SCFD2: variants seen among roughly 807,000 people sequenced by gnomAD.
The protein encoded by SCFD2 is sec1 family domain-containing protein 2.
Under a neutral mutation model 58.9 loss-of-function variants are expected in SCFD2, and 54 were observed. The ratio of observed to expected loss-of-function variants is 0.92; its 90% CI spans 0.74 to 1.15. The LOEUF (loss-of-function observed/expected upper bound fraction) is 1.15. Among genes scored for constraint, SCFD2 ranks in the 50% most tolerant of loss-of-function variants. The pLI is 0.00. For missense variants in SCFD2, 805 were observed against 836.6 expected, an observed-to-expected ratio of 0.96 and a Z score of 0.47; for synonymous variants, 321 against 335.9, an observed-to-expected ratio of 0.96 and a Z score of 0.49.
Position 53,319,212 on chromosome 4 carries a change from G to A in SCFD2, c.1008-5449C>T, listed in dbSNP as rs149939953. Among the ~76,000 whole-genome samples, 11 of 152,248 alleles carry A rather than the reference G, an allele frequency of 7.2e-5. No homozygotes were observed. In the East Asian group the frequency reaches 1.4e-3, roughly 19 times the overall value. ...AGTAAAGTAGATCCACATTAATTCC[G>A]GAAGCAGGTAAAGCTCTAAGAACTC... is the stretch of plus-strand genomic sequence containing the variant. On this transcript the variant is annotated intron_variant, in intron 2 of 8. Transcript: ENST00000401642.
At chr4:53,245,769 C>A (rs553029098) in intron 4 of SCFD2, among the ~76,000 whole-genome samples, 1 of 152,274 alleles carries the variant, frequency 6.6e-6, no homozygotes, top group South Asian at 2.1e-4. Flanking sequence ...AAGCTGGAAG[C>A]ATTCCCTTTG....
intron 5 of SCFD2, among the ~76,000 whole-genome samples, chr4:53,092,556 A>T (rs1331467947): frequency 6.6e-6 from 1 of 151,040 alleles, no homozygotes; most frequent in Non-Finnish European, 1.5e-5. Flanking sequence ...GTCCAATAAG[A>T]GATAAATGGT....
intron 5 of SCFD2, among the ~76,000 whole-genome samples, chr4:53,110,418 G>A (rs1011675044): frequency 3.3e-5 from 5 of 152,130 alleles, no homozygotes; most frequent in South Asian, 2.1e-4. Flanking sequence ...AAAGAGCACA[G>A]CACAGCAAAA....
intron 4 of SCFD2, among the ~76,000 whole-genome samples, chr4:53,198,459 G>T (rs967690977): frequency 3.3e-5 from 5 of 152,052 alleles, no homozygotes; most frequent in Non-Finnish European, 5.9e-5. Flanking sequence ...TGTAAAAAAA[G>T]AGATCCTAAG....
chr4:53,202,204 A>C (rs1728265414), intron 4 of SCFD2, among the ~76,000 whole-genome samples: 1 of 152,096 alleles, frequency 6.6e-6, no homozygotes, highest in South Asian at 2.1e-4. Flanking sequence ...ATTTTTGTAT[A>C]AGGTGTAAGG....
chr4:53,044,678 C>T (rs1266039308), intron 5 of SCFD2, among the ~76,000 whole-genome samples: 1 of 144,872 alleles, frequency 6.9e-6, no homozygotes, highest in East Asian at 2.3e-4. Flanking sequence ...AAGGGGAATT[C>T]CTCTCTCCAC....
intron 5 of SCFD2, among the ~76,000 whole-genome samples, chr4:53,054,614 A>C (rs879314749): frequency 4.6e-5 from 7 of 152,212 alleles, no homozygotes; most frequent in Non-Finnish European, 8.8e-5. Flanking sequence ...GTAAAGAAAG[A>C]AAATGATTAG....
intron 5 of SCFD2, among the ~76,000 whole-genome samples, chr4:52,933,690 AAAC>A (rs1720057525): frequency 6.6e-6 from 1 of 152,230 alleles, no homozygotes; most frequent in Non-Finnish European, 1.5e-5. Context: ...CATTTCCCAG[AAAC>A]AGCAAGGGAT....
At chr4:53,306,177 A>C (rs186091818) in intron 3 of SCFD2, among the ~76,000 whole-genome samples, 328 of 152,306 alleles carry the variant, frequency 2.2e-3, no homozygotes, top group Non-Finnish European at 4.1e-3. Context: ...ACCATAGGAA[A>C]TGGGGTTTTA....
intron 5 of SCFD2, among the ~76,000 whole-genome samples, chr4:53,029,788 A>AC (rs920386069): frequency 4.6e-5 from 7 of 152,226 alleles, no homozygotes; most frequent in Non-Finnish European, 8.8e-5. Flanking sequence ...CAAAAAATGA[A>AC]CCTCAACTAA....
At chr4:53,220,300 T>C (rs139687181) in intron 4 of SCFD2, among the ~76,000 whole-genome samples, 1 of 152,206 alleles carries the variant, frequency 6.6e-6, no homozygotes, top group Non-Finnish European at 1.5e-5. Flanking sequence ...TATAAGCTCA[T>C]TATCATATAT....
chr4:52,898,704 T>A (rs868677505), intron 7 of SCFD2, among the ~76,000 whole-genome samples: 1 of 152,172 alleles, frequency 6.6e-6, no homozygotes, highest in Non-Finnish European at 1.5e-5. Flanking sequence ...TTCCTGGATA[T>A]CCTTGTGAAT....
intron 2 of SCFD2, among the ~76,000 whole-genome samples, chr4:53,348,952 C>G (rs1001352995): frequency 1.6e-4 from 24 of 152,158 alleles, no homozygotes; most frequent in Admixed American, 1.4e-3. Context: ...AACTCCTGAC[C>G]TCAAGTGATC....
intron 3 of SCFD2, among the ~76,000 whole-genome samples, chr4:53,302,039 C>T (rs1224384826): frequency 4.6e-5 from 7 of 152,150 alleles, no homozygotes; most frequent in African/African-American, 1.7e-4. Flanking sequence ...TGAAAACGGG[C>T]ACAAGACAGG....
chr4:52,956,580 T>C (rs1394329335), intron 5 of SCFD2: 1 of 216,110 alleles, frequency 4.6e-6, no homozygotes, highest in Non-Finnish European at 9.4e-6. Flanking sequence ...TATAAAAACA[T>C]GGCTGCCAGC....
intron 7 of SCFD2, among the ~76,000 whole-genome samples, chr4:52,888,429 T>G (rs1171550661): frequency 2.0e-5 from 3 of 152,320 alleles, no homozygotes; most frequent in Non-Finnish European, 2.9e-5. Flanking sequence ...TCTGCACCTC[T>G]GTTTCCCCCG....
chr4:53,100,884 A>T (rs1282636179), intron 5 of SCFD2, among the ~76,000 whole-genome samples: 1 of 152,186 alleles, frequency 6.6e-6, no homozygotes, highest in African/African-American at 2.4e-5. Context: ...TCTCATGACT[A>T]TGCAAATACT....
chr4:52,902,352 T>C (rs1422044316), intron 7 of SCFD2, among the ~76,000 whole-genome samples: 1 of 152,232 alleles, frequency 6.6e-6, no homozygotes, highest in East Asian at 1.9e-4. Flanking sequence ...CACTGCCTTA[T>C]AAACATGGCT....
intron 5 of SCFD2, among the ~76,000 whole-genome samples, chr4:53,060,489 G>T (rs772043166): frequency 6.6e-6 from 1 of 152,086 alleles, no homozygotes. Context: ...CTCAAAGTGT[G>T]GTCTGGCTGT....
Sources: allele counts gnomAD v4.1 joint callset (sites outside exome capture counted in the v4.1 genomes callset), GRCh38; gene constraint gnomAD v4.1.1; transcripts MANE v1.5; gene names NCBI Gene and HGNC (gene_info 2026-07-23, HGNC 2026-07-21).